The following GRM8 variants were observed in gnomAD, a reference collection of about 807,000 sequenced individuals.
The protein encoded by GRM8 is glutamate metabotropic receptor 8.
GRM8 carries 47 observed loss-of-function variants against 87.2 expected under a neutral mutation model. That is an observed-to-expected ratio of 0.54 (90% CI 0.43 to 0.69). The LOEUF is 0.69. Among genes scored for constraint, GRM8 ranks in the 30% least tolerant of loss-of-function variants. The pLI is 0.00. For synonymous variants in GRM8, 396 were observed against 404.5 expected (o/e 0.98, Z 0.25); for missense variants, 1,019 against 1,139.2 (o/e 0.89, Z 1.52).
intron 9 of GRM8, among the ~76,000 whole-genome samples, chr7:126,531,348 G>A (rs1814788942): frequency 6.6e-6 from 1 of 152,088 alleles, no homozygotes; most frequent in South Asian, 2.1e-4. Context: ...ATTTTATAAT[G>A]TGTCTTTCAG....
intron 3 of GRM8, among the ~76,000 whole-genome samples, chr7:126,920,300 G>A (rs770334175): frequency 9.2e-5 from 14 of 152,094 alleles, no homozygotes; most frequent in Non-Finnish European, 1.6e-4. Context: ...AAGCTACTCA[G>A]TTTATGGTAT....
intron 6 of GRM8, among the ~76,000 whole-genome samples, chr7:126,880,505 T>C (rs2535931): frequency 0.87 from 132,698 of 152,108 alleles, 58,323 homozygotes; most frequent in East Asian, 1. Context: ...GAGCTAGAAA[T>C]GAGAATGATG....
intron 6 of GRM8, among the ~76,000 whole-genome samples, chr7:126,791,648 C>G (rs1342907535): frequency 6.6e-6 from 1 of 152,198 alleles, no homozygotes; most frequent in East Asian, 1.9e-4. Flanking sequence ...CTTAAATGAT[C>G]TTTCAAAGTA....
At chr7:126,524,560 C>T (rs930378258) in intron 9 of GRM8, among the ~76,000 whole-genome samples, 10 of 151,840 alleles carry the variant, frequency 6.6e-5, no homozygotes, top group South Asian at 2.1e-4. Context: ...GTTGTGAAAT[C>T]TTCCTTCTGT....
intron 6 of GRM8, among the ~76,000 whole-genome samples, chr7:126,827,072 T>C (rs1212239707): frequency 6.6e-6 from 1 of 152,224 alleles, no homozygotes; most frequent in Non-Finnish European, 1.5e-5. Context: ...TCCATTGATC[T>C]ATATCTCTGT....
chr7:127,158,479 T>C (rs1221102561), intron 2 of GRM8, among the ~76,000 whole-genome samples: 1 of 152,204 alleles, frequency 6.6e-6, no homozygotes, highest in Non-Finnish European at 1.5e-5. Context: ...TACCTTAGTC[T>C]GGGTAATTTA....
intron 9 of GRM8, among the ~76,000 whole-genome samples, chr7:126,466,913 C>T (rs1418294894): frequency 6.6e-6 from 1 of 151,938 alleles, no homozygotes; most frequent in African/African-American, 2.4e-5. Flanking sequence ...TAAGTTGACA[C>T]AAAAAACTTA....
chr7:126,463,095 A>C (rs996617233), intron 9 of GRM8, among the ~76,000 whole-genome samples: 1 of 150,434 alleles, frequency 6.6e-6, no homozygotes, highest in Non-Finnish European at 1.5e-5. Context: ...AGTGTTTTAC[A>C]GAATTAATGT....
chr7:127,149,415 C>A (rs940414403), intron 2 of GRM8, among the ~76,000 whole-genome samples: 1 of 151,854 alleles, frequency 6.6e-6, no homozygotes, highest in African/African-American at 2.4e-5. Flanking sequence ...CAGAAGACAA[C>A]CAATGTGGGC....
At chr7:126,885,130 C>T (rs1800370093) in intron 6 of GRM8, among the ~76,000 whole-genome samples, 1 of 152,144 alleles carries the variant, frequency 6.6e-6, no homozygotes, top group Non-Finnish European at 1.5e-5. Context: ...AATGAATTCA[C>T]CACACTCTGG....
intron 6 of GRM8, among the ~76,000 whole-genome samples, chr7:126,898,815 G>T (rs539589343): frequency 6.6e-6 from 1 of 152,230 alleles, no homozygotes; most frequent in Non-Finnish European, 1.5e-5. Flanking sequence ...AGAACGTGCA[G>T]GTTTGTTACA....
At chr7:126,537,451 ATTTTACATAG>A (rs1815926118) in intron 8 of GRM8, among the ~76,000 whole-genome samples, 1 of 152,174 alleles carries the variant, frequency 6.6e-6, no homozygotes. Context: ...CTAACAACTT[ATTTTACATAG>A]TTGCTAAATG....
chr7:126,691,320 A>AAATC (rs1808783585), intron 7 of GRM8, among the ~76,000 whole-genome samples: 1 of 152,160 alleles, frequency 6.6e-6, no homozygotes, highest in African/African-American at 2.4e-5. Flanking sequence ...CTTTGCTCTG[A>AAATC]AATCAGAGCA....
chr7:127,116,636 A>T (rs1203968292), intron 2 of GRM8, among the ~76,000 whole-genome samples: 1 of 152,256 alleles, frequency 6.6e-6, no homozygotes, highest in Non-Finnish European at 1.5e-5. Context: ...ATGAAGTGAC[A>T]TTAAGTTGAC....
At chr7:126,999,162 G>T (rs758929985) in intron 3 of GRM8, among the ~76,000 whole-genome samples, 1 of 151,868 alleles carries the variant, frequency 6.6e-6, no homozygotes, top group Non-Finnish European at 1.5e-5. Context: ...TTTAATAAAT[G>T]ATGCTGGGAA....
chr7:126,609,507 A>G lies in GRM8; in HGVS notation c.1358-9T>C. On this transcript the variant is annotated splice_polypyrimidine_tract_variant and intron_variant, in intron 7 of 10. Coordinates refer to ENST00000339582, the MANE Select transcript of GRM8 (RefSeq NM_000845.3). ...AGGAGTGCCAGCACTGCCTATAAAG[A>G]TTTAGAAAACAATGTTAATAAAGTT... is the stretch of plus-strand genomic sequence containing the variant. The G allele has an allele frequency of 6.2e-7, 1 of 1,604,012 alleles. No homozygotes were observed.
At chr7:127,052,666 AC>A (rs1447249725) in intron 3 of GRM8, among the ~76,000 whole-genome samples, 6 of 152,188 alleles carry the variant, frequency 3.9e-5, no homozygotes, top group African/African-American at 1.4e-4. Flanking sequence ...AATGTTCACT[AC>A]TTTATTCCTA....
intron 3 of GRM8, among the ~76,000 whole-genome samples, chr7:126,918,900 T>A (rs913719545): frequency 6.6e-6 from 1 of 152,110 alleles, no homozygotes; most frequent in African/African-American, 2.4e-5. Flanking sequence ...TGAAAACCGA[T>A]CAGAACTGCA....
chr7:126,562,851 C>T (rs925772784), intron 8 of GRM8, among the ~76,000 whole-genome samples: 1 of 152,102 alleles, frequency 6.6e-6, no homozygotes, highest in African/African-American at 2.4e-5. Context: ...GAGCCGAGAC[C>T]ATACCACTGC....
Sources: gnomAD v4.1 joint callset for allele counts (sites outside exome capture counted in the v4.1 genomes callset) on GRCh38, gnomAD v4.1.1 for gene constraint, MANE v1.5 for transcripts, NCBI Gene and HGNC (gene_info 2026-07-23, HGNC 2026-07-21) for gene names.